The following XRCC4 variants were observed in gnomAD, a reference collection of about 807,000 sequenced individuals.
XRCC4 encodes DNA repair protein XRCC4.
Under a neutral mutation model 39.1 loss-of-function variants are expected in XRCC4, and 28 were observed. The ratio of observed to expected loss-of-function variants is 0.72; its 90% CI spans 0.53 to 0.98. XRCC4 has a LOEUF of 0.98. Among genes scored for constraint, XRCC4 ranks in the 50% least tolerant of loss-of-function variants. The pLI is 0.00. For synonymous variants in XRCC4, 123 were observed against 126.4 expected, an observed-to-expected ratio of 0.97 and a Z score of 0.18; for missense variants, 350 against 376.4, an observed-to-expected ratio of 0.93 and a Z score of 0.58.
chr5:83,120,066 A>T (rs1746933882), intron 3 of XRCC4, among the ~76,000 whole-genome samples: 1 of 138,550 alleles, frequency 7.2e-6, no homozygotes, highest in African/African-American at 3.5e-5. Context: ...AGAAGTAGAA[A>T]ATAGCATTGT....
At chr5:83,284,177 A>G (rs1754658484) in intron 7 of XRCC4, among the ~76,000 whole-genome samples, 1 of 151,924 alleles carries the variant, frequency 6.6e-6, no homozygotes, top group African/African-American at 2.4e-5. Context: ...TATTCATGAA[A>G]AAACTTAGAA....
chr5:83,335,128 A>C (rs2112180105), intron 7 of XRCC4, among the ~76,000 whole-genome samples: 1 of 152,108 alleles, frequency 6.6e-6, no homozygotes, highest in African/African-American at 2.4e-5. Flanking sequence ...CAAATGCAGA[A>C]ATTGGCCTGT....
intron 1 of XRCC4, among the ~76,000 whole-genome samples, chr5:83,099,570 C>T (rs920858879): frequency 6.6e-5 from 10 of 152,168 alleles, no homozygotes; most frequent in African/African-American, 1.9e-4. Flanking sequence ...TATTTCTCTT[C>T]TAAGAGAGAG....
Position 83,097,722 on chromosome 5 carries a change from C to T in XRCC4, c.-10-7188C>T, listed in dbSNP as rs1413349067. Among the ~76,000 whole-genome samples the T allele has an allele frequency of 2.0e-5, 3 of 152,074 alleles. No individual in the cohort carries two copies. In the South Asian group the frequency reaches 6.2e-4, roughly 32 times the overall value. On this transcript the variant is annotated intron_variant, in intron 1 of 7. Coordinates refer to ENST00000396027, the MANE Select transcript of XRCC4 (RefSeq NM_003401.5). ...GACTGCTGCTTAGTTAATGCTGTTT[C>T]AGGTACTATCTTATCTCTTCTCTTC...
At chr5:83,287,546 G>C (rs1408811922) in intron 7 of XRCC4, among the ~76,000 whole-genome samples, 2 of 151,834 alleles carry the variant, frequency 1.3e-5, no homozygotes, top group African/African-American at 4.8e-5. Context: ...GATGGAGAGA[G>C]GTATATAGAA....
chr5:83,231,483 A>T (rs1182276505), intron 6 of XRCC4, among the ~76,000 whole-genome samples: 1 of 152,110 alleles, frequency 6.6e-6, no homozygotes, highest in Non-Finnish European at 1.5e-5. Flanking sequence ...CAACTGAATA[A>T]TTGAGACAAA....
intron 3 of XRCC4, among the ~76,000 whole-genome samples, chr5:83,124,130 A>C (rs1003610507): frequency 6.6e-6 from 1 of 152,052 alleles, no homozygotes; most frequent in African/African-American, 2.4e-5. Context: ...CACTGTTTTT[A>C]TTGTTCTTGT....
intron 7 of XRCC4, among the ~76,000 whole-genome samples, chr5:83,287,072 G>T (rs1754761209): frequency 6.6e-6 from 1 of 152,032 alleles, no homozygotes; most frequent in Non-Finnish European, 1.5e-5. Flanking sequence ...TCTAGGATTT[G>T]TTAGGCATAC....
chr5:83,103,454 A>T (rs1746049404), intron 1 of XRCC4, among the ~76,000 whole-genome samples: 1 of 113,196 alleles, frequency 8.8e-6, no homozygotes, highest in Non-Finnish European at 1.9e-5. Context: ...CAGTAATCAG[A>T]ATTCTCATAC....
At chr5:83,120,536 A>ACT (rs1315255671) in intron 3 of XRCC4, among the ~76,000 whole-genome samples, 1 of 152,226 alleles carries the variant, frequency 6.6e-6, no homozygotes, top group African/African-American at 2.4e-5. Context: ...TGTGAATGGA[A>ACT]CTATGCAGTG....
intron 3 of XRCC4, among the ~76,000 whole-genome samples, chr5:83,132,249 C>T (rs979190023): frequency 5.3e-5 from 8 of 151,994 alleles, no homozygotes; most frequent in Admixed American, 1.3e-4. Flanking sequence ...CTGAGAGATC[C>T]GCTGTTAGTC....
intron 3 of XRCC4, among the ~76,000 whole-genome samples, chr5:83,154,849 C>A (rs1156936401): frequency 6.6e-6 from 1 of 152,178 alleles, no homozygotes; most frequent in East Asian, 1.9e-4. Flanking sequence ...CTTCACACAA[C>A]CTTCAAGTCT....
chr5:83,105,928 T>G (rs1580225543), intron 2 of XRCC4, among the ~76,000 whole-genome samples: 1 of 152,096 alleles, frequency 6.6e-6, no homozygotes, highest in African/African-American at 2.4e-5. Flanking sequence ...ATTGTAAAAT[T>G]TTGTTTCTTT....
At position 83,114,227 on chromosome 5, in the gene XRCC4, G is replaced by T. The variant is rs184053781; in HGVS notation, c.315+3024G>T. Reference sequence around the variant, plus strand: ...GGGAGGGGCTCCTGTGAACATCTCTGACATGCCTCGGAGACATTTCCCCCA... The same window carrying T: ...GGGAGGGGCTCCTGTGAACATCTCTTACATGCCTCGGAGACATTTCCCCCA... On this transcript the variant is annotated intron_variant, in intron 3 of 7. Coordinates refer to ENST00000396027, the MANE Select transcript of XRCC4 (RefSeq NM_003401.5). Among the ~76,000 whole-genome samples the T allele has an allele frequency of 2.0e-4, 30 of 152,280 alleles. No homozygotes were observed. The East Asian group carries it at 5.8e-3, about 29-fold the overall frequency.
At chr5:83,305,447 T>TA (rs1755446364) in intron 7 of XRCC4, among the ~76,000 whole-genome samples, 1 of 152,130 alleles carries the variant, frequency 6.6e-6, no homozygotes, top group East Asian at 1.9e-4. Context: ...GCCTTTAAGA[T>TA]GTATAATTTA....
chr5:83,328,144 G>A (rs1172413170), intron 7 of XRCC4, among the ~76,000 whole-genome samples: 1 of 152,056 alleles, frequency 6.6e-6, no homozygotes, highest in Non-Finnish European at 1.5e-5. Flanking sequence ...TGAGGAAGAA[G>A]CAAAAGCGGA....
At chr5:83,165,398 A>T (rs1352945127) in intron 3 of XRCC4, among the ~76,000 whole-genome samples, 2 of 152,194 alleles carry the variant, frequency 1.3e-5, no homozygotes, top group African/African-American at 4.8e-5. Context: ...ATCTGACTGG[A>T]ATACCAGAAT....
the XRCC4 span, among the ~76,000 whole-genome samples, chr5:83,362,316 A>AAAAAAAAAAAAAAAAAAAAAAAAC: frequency 6.8e-6 from 1 of 146,042 alleles, no homozygotes; most frequent in African/African-American, 2.8e-5. Context: ...AAAAAAAAAA[A>AAAAAAAAAAAAAAAAAAAAAAAAC]AACTATCTCA....
At chr5:83,102,516 T>A (rs993331018) in intron 1 of XRCC4, among the ~76,000 whole-genome samples, 1 of 152,228 alleles carries the variant, frequency 6.6e-6, no homozygotes, top group East Asian at 1.9e-4. Context: ...TATCCAGAAG[T>A]CAGCAATAGG....
Sources: allele counts gnomAD v4.1 joint callset (sites outside exome capture counted in the v4.1 genomes callset), GRCh38; gene constraint gnomAD v4.1.1; transcripts MANE v1.5; gene names NCBI Gene and HGNC (gene_info 2026-07-23, HGNC 2026-07-21).